L3MBTL4: variants seen among roughly 807,000 people sequenced by gnomAD.
L3MBTL4 encodes lethal(3)malignant brain tumor-like protein 4.
A neutral mutation model predicts 84.5 loss-of-function variants in L3MBTL4; 70 were observed. That is an observed-to-expected ratio of 0.83 (90% CI 0.68 to 1.01). The LOEUF is 1.01. L3MBTL4 is among the 50% of genes least tolerant of loss of function. The pLI is 0.00. For synonymous variants in L3MBTL4, 274 were observed against 259.8 expected, an observed-to-expected ratio of 1.05 and a Z score of -0.52; for missense variants, 715 against 754.8, an observed-to-expected ratio of 0.95 and a Z score of 0.62.
rs925055370 is a variant in L3MBTL4, at chr18:5,960,210, G to A, written c.1615-54C>T. The A allele has an allele frequency of 1.7e-5, 19 of 1,099,296 alleles. No individual in the cohort carries two copies. The South Asian group carries it at 2.1e-4, about 12-fold the overall frequency. The allele number at this position is 1,099,296 out of a possible 1,614,324, so 68.1% of individuals were successfully genotyped here. On this transcript the variant is annotated intron_variant, in intron 17 of 18. Transcript: ENST00000317931. ...AATACATGCACCTGAAATAATTTGG[G>A]GGTTGCAGTAATCCAACATTTAAGT... is the stretch of plus-strand genomic sequence containing the variant.
At chr18:6,071,476 A>G (rs940732945) in intron 16 of L3MBTL4, among the ~76,000 whole-genome samples, 2 of 151,164 alleles carry the variant, frequency 1.3e-5, no homozygotes, top group East Asian at 2.0e-4. Flanking sequence ...CCTTCAATTA[A>G]GAGACTCCTG....
intron 14 of L3MBTL4, among the ~76,000 whole-genome samples, chr18:6,121,685 C>CGTGTGT (rs762077935): frequency 1.8e-3 from 257 of 142,870 alleles, no homozygotes; most frequent in African/African-American, 4.3e-3. Context: ...ATTGTTTCCC[C>CGTGTGT]GTGTGTGTGT....
chr18:6,336,105 T>C (rs1024116344), intron 1 of L3MBTL4, among the ~76,000 whole-genome samples: 2 of 152,202 alleles, frequency 1.3e-5, no homozygotes, highest in African/African-American at 4.8e-5. Context: ...TCTTTGAGGG[T>C]ATCTAAGTAG....
At chr18:6,384,620 C>T (rs1456988866) in intron 1 of L3MBTL4, among the ~76,000 whole-genome samples, 2 of 152,184 alleles carry the variant, frequency 1.3e-5, no homozygotes, top group African/African-American at 4.8e-5. Context: ...TTTAACAATT[C>T]CTTGCATCAA....
chr18:6,351,600 G>A (rs372536086), intron 1 of L3MBTL4, among the ~76,000 whole-genome samples: 1,663 of 151,640 alleles, frequency 0.011, 40 homozygotes, highest in African/African-American at 0.038. Flanking sequence ...CGCCCAGGCT[G>A]GAGTGCAGTG....
intron 1 of L3MBTL4, among the ~76,000 whole-genome samples, chr18:6,405,576 C>G (rs1358214892): frequency 6.6e-6 from 1 of 152,010 alleles, no homozygotes; most frequent in African/African-American, 2.4e-5. Flanking sequence ...GGGGCTGAGC[C>G]TGAGTGCCTG....
At chr18:6,374,943 A>G (rs1437109828) in intron 1 of L3MBTL4, among the ~76,000 whole-genome samples, 2 of 152,224 alleles carry the variant, frequency 1.3e-5, no homozygotes, top group African/African-American at 4.8e-5. Context: ...AATTCATTTC[A>G]GACACAATTC....
chr18:6,031,982 TTC>T, intron 16 of L3MBTL4: 1 of 430,176 alleles, frequency 2.3e-6, no homozygotes, highest in Non-Finnish European at 3.0e-6. Flanking sequence ...TTTTCTTTCT[TTC>T]TTTTTTTTTT....
intron 16 of L3MBTL4, among the ~76,000 whole-genome samples, chr18:6,078,991 T>C (rs1470311910): frequency 6.6e-6 from 1 of 152,108 alleles, no homozygotes; most frequent in African/African-American, 2.4e-5. Flanking sequence ...CCTATGAGGA[T>C]CTAATGCTGC....
chr18:6,305,081 G>T (rs1359829928), intron 3 of L3MBTL4, among the ~76,000 whole-genome samples: 2 of 152,100 alleles, frequency 1.3e-5, no homozygotes, highest in African/African-American at 4.8e-5. Context: ...GTGGATCAAG[G>T]TTATAGACAG....
chr18:6,194,794 T>C (rs1233629865), intron 12 of L3MBTL4, among the ~76,000 whole-genome samples: 1 of 152,200 alleles, frequency 6.6e-6, no homozygotes, highest in Non-Finnish European at 1.5e-5. Context: ...CCCCGATGAA[T>C]TGCCATCCAG....
intron 1 of L3MBTL4, among the ~76,000 whole-genome samples, chr18:6,337,026 T>C (rs1479801317): frequency 6.6e-6 from 1 of 152,186 alleles, no homozygotes; most frequent in African/African-American, 2.4e-5. Flanking sequence ...AACTCATTGA[T>C]GGATGGGTTT....
intron 12 of L3MBTL4, among the ~76,000 whole-genome samples, chr18:6,177,013 C>T (rs1250540929): frequency 6.6e-6 from 1 of 152,174 alleles, no homozygotes; most frequent in East Asian, 1.9e-4. Flanking sequence ...TGTGGAGCTC[C>T]TGAAGCATTC....
intron 12 of L3MBTL4, among the ~76,000 whole-genome samples, chr18:6,173,318 G>A (rs1431633432): frequency 1.3e-5 from 2 of 152,160 alleles, no homozygotes; most frequent in East Asian, 1.9e-4. Context: ...AAACATCCCA[G>A]ATGAGCCCTT....
At chr18:6,005,374 C>A (rs190658783) in intron 16 of L3MBTL4, among the ~76,000 whole-genome samples, 2 of 131,342 alleles carry the variant, frequency 1.5e-5, no homozygotes, top group Non-Finnish European at 1.7e-5. Flanking sequence ...AGCACATGTA[C>A]GGGTTTGTTA....
intron 14 of L3MBTL4, among the ~76,000 whole-genome samples, chr18:6,128,485 G>A (rs149167267): frequency 2.4e-3 from 359 of 152,248 alleles, no homozygotes; most frequent in African/African-American, 8.3e-3. Flanking sequence ...TTGCAGAGGG[G>A]AGGGGAGTGA....
intron 14 of L3MBTL4, among the ~76,000 whole-genome samples, chr18:6,116,198 G>A (rs976624379): frequency 3.3e-5 from 5 of 152,144 alleles, no homozygotes; most frequent in Non-Finnish European, 5.9e-5. Flanking sequence ...ACAGGGTTCA[G>A]CAACAAGGAG....
chr18:6,144,024 C>T lies in L3MBTL4; in HGVS notation c.1097-5728G>A, dbSNP rs561759326. Among the ~76,000 whole-genome samples the T allele has an allele frequency of 1.2e-3, 183 of 151,880 alleles. 1 individual carries two copies. The highest frequency in any genetic ancestry group is 3.8e-3 in the African/African-American group (157 of 41,424). On this transcript the variant is annotated intron_variant, in intron 13 of 18. Transcript: ENST00000317931. ...TATCCTGGCTAACACGGTGAAACCC[C>T]GTCTCTACTAAAAATACAAAGAATT...
At position 6,087,088 on chromosome 18, in the gene L3MBTL4, T is replaced by C. The variant is rs148180104; in HGVS notation, c.1374-6137A>G. Among the ~76,000 whole-genome samples the C allele has an allele frequency of 7.8e-3, 1,191 of 152,338 alleles. 4 individuals carry two copies. The highest frequency in any genetic ancestry group is 0.014 in the Middle Eastern group (4 of 294). On this transcript the variant is annotated intron_variant, in intron 15 of 18. Coordinates refer to ENST00000317931, the MANE Select transcript of L3MBTL4 (RefSeq NM_001330559.2). ...TGATAAGAACAAGGATTTTTGTCTG[T>C]TTTGTTCCCTGCTCTATCACTAGAG...
Sources: allele counts gnomAD v4.1 joint callset (sites outside exome capture counted in the v4.1 genomes callset), GRCh38; gene constraint gnomAD v4.1.1; transcripts MANE v1.5; gene names NCBI Gene and HGNC (gene_info 2026-07-23, HGNC 2026-07-21).